The following PLCB1 variants were observed in gnomAD, a reference collection of about 807,000 sequenced individuals.
The protein encoded by PLCB1 is 1-phosphatidylinositol 4,5-bisphosphate phosphodiesterase beta-1.
In PLCB1, 46 loss-of-function variants were observed where a neutral mutation model predicts 161.8. The observed-to-expected ratio is 0.28, with a 90% CI of 0.22 to 0.36. PLCB1 has a LOEUF of 0.36. PLCB1 is among the 10% of genes least tolerant of loss of function. PLCB1 has a pLI of 1.00. For missense variants in PLCB1, 1,016 were observed against 1,472.5 expected (o/e 0.69, Z 5.07); for synonymous variants, 517 against 503.7 (o/e 1.03, Z -0.35).
At chr20:8,760,594 G>T in intron 25 of PLCB1, 134 bp downstream of exon 25, 1 of 595,778 alleles carries the variant, frequency 1.7e-6, no homozygotes, top group East Asian at 2.9e-5. Context: ...AAAATCTAGA[G>T]ACATACACTT....
chr20:8,687,243 T>A (rs1990381079), intron 10 of PLCB1, among the ~76,000 whole-genome samples: 1 of 152,150 alleles, frequency 6.6e-6, no homozygotes. Flanking sequence ...CAGGCTGGAC[T>A]CAGACTCCTG....
chr20:8,536,288 GA>G (rs949712741), intron 3 of PLCB1, among the ~76,000 whole-genome samples: 9 of 152,098 alleles, frequency 5.9e-5, no homozygotes, highest in African/African-American at 1.9e-4. Context: ...AAAAAATTTG[GA>G]AAAAAACCAC....
At chr20:8,298,957 G>T (rs1187702712) in intron 2 of PLCB1, among the ~76,000 whole-genome samples, 1 of 152,030 alleles carries the variant, frequency 6.6e-6, no homozygotes, top group African/African-American at 2.4e-5. Context: ...GTAGGTATTA[G>T]GTTGGTGCAA....
intron 3 of PLCB1, among the ~76,000 whole-genome samples, chr20:8,622,124 C>T (rs67386747): frequency 0.17 from 26,409 of 151,764 alleles, 2,577 homozygotes; most frequent in South Asian, 0.26. Flanking sequence ...GTTGGTGGCG[C>T]GTGCCTGTAG....
At chr20:8,143,065 T>G (rs2051419958) in intron 1 of PLCB1, among the ~76,000 whole-genome samples, 1 of 152,216 alleles carries the variant, frequency 6.6e-6, no homozygotes, top group South Asian at 2.1e-4. Context: ...TCCCCTCAGT[T>G]GAAGCTTTCC....
chr20:8,431,296 G>A (rs1053392383), intron 3 of PLCB1, among the ~76,000 whole-genome samples: 1 of 152,100 alleles, frequency 6.6e-6, no homozygotes, highest in Non-Finnish European at 1.5e-5. Flanking sequence ...TTGGACACAA[G>A]CCTTAATTAT....
At chr20:8,342,533 C>T (rs561546791) in intron 2 of PLCB1, among the ~76,000 whole-genome samples, 1 of 152,288 alleles carries the variant, frequency 6.6e-6, no homozygotes, top group East Asian at 1.9e-4. Context: ...TCAGTTCCAT[C>T]TCCAGGATGA....
At chr20:8,736,398 T>G (rs1303058696) in intron 19 of PLCB1, among the ~76,000 whole-genome samples, 1 of 152,236 alleles carries the variant, frequency 6.6e-6, no homozygotes, top group Non-Finnish European at 1.5e-5. Flanking sequence ...ATGATAAACT[T>G]ATCTTGATGG....
chr20:8,781,653 T>C (rs1357760162), intron 27 of PLCB1, among the ~76,000 whole-genome samples: 4 of 152,194 alleles, frequency 2.6e-5, no homozygotes, highest in Non-Finnish European at 4.4e-5. Flanking sequence ...TAGCCAAGAC[T>C]GGGCAATTTA....
At chr20:8,285,282 ATATATT>A (rs1470436052) in intron 2 of PLCB1, among the ~76,000 whole-genome samples, 1 of 148,992 alleles carries the variant, frequency 6.7e-6, no homozygotes, top group African/African-American at 2.4e-5. Context: ...TTCTAAATAT[ATATATT>A]TATATCTATA....
intron 19 of PLCB1, among the ~76,000 whole-genome samples, chr20:8,733,822 T>TAAA (rs1555786768): frequency 2.2e-5 from 3 of 136,784 alleles, no homozygotes; most frequent in Non-Finnish European, 3.1e-5. Context: ...ATAATAATAA[T>TAAA]AATAAAAGTT....
intron 30 of PLCB1, among the ~76,000 whole-genome samples, chr20:8,789,860 T>A (rs1370786003): frequency 6.6e-6 from 1 of 152,216 alleles, no homozygotes; most frequent in Non-Finnish European, 1.5e-5. Context: ...AACCTTTAAT[T>A]GTCATCAATG....
rs542478108 is a variant in PLCB1, at chr20:8,849,972, C to T, written c.3424-31650C>T. On this transcript the variant is annotated intron_variant, in intron 31 of 31. Transcript: ENST00000338037. ...AGGTTGCAGTGAGCCGAGATCACGC[C>T]ACTGCACTCCAGCCTGGCGACAGAG... Among the ~76,000 whole-genome samples the T allele has an allele frequency of 7.2e-5, 11 of 152,288 alleles. No individual in the cohort carries two copies. The East Asian group carries it at 1.9e-3, about 27-fold the overall frequency.
intron 3 of PLCB1, among the ~76,000 whole-genome samples, chr20:8,391,009 G>A (rs1352600456): frequency 1.3e-5 from 2 of 151,568 alleles, no homozygotes; most frequent in African/African-American, 4.9e-5. Flanking sequence ...TTGTCTAAAT[G>A]CATTTTGCCA....
chr20:8,467,311 T>C (rs1981864916), intron 3 of PLCB1, among the ~76,000 whole-genome samples: 1 of 152,170 alleles, frequency 6.6e-6, no homozygotes, highest in Non-Finnish European at 1.5e-5. Flanking sequence ...GTATTTATGA[T>C]TTTTTTAGCC....
Position 8,697,012 on chromosome 20 carries a change from C to T in PLCB1, c.1010-614C>T, listed in dbSNP as rs560723384. On this transcript the variant is annotated intron_variant, in intron 10 of 31. Transcript: ENST00000338037. ...CCTCCCAAAATGCTGGGATTATAGG[C>T]GTGAGCCACTGTGCCTGGCCTTAAA... 5.3e-5 allele frequency among the ~76,000 whole-genome samples: 8 copies of T among 152,290 alleles called. No homozygotes were observed. In the East Asian group the frequency reaches 5.8e-4, roughly 11 times the overall value.
intron 2 of PLCB1, among the ~76,000 whole-genome samples, chr20:8,340,624 C>G (rs1384819999): frequency 6.6e-6 from 1 of 151,990 alleles, no homozygotes; most frequent in African/African-American, 2.4e-5. Flanking sequence ...CGGGGTTTCA[C>G]TGTGTTAGCC....
At chr20:8,412,224 G>T (rs763900938) in intron 3 of PLCB1, among the ~76,000 whole-genome samples, 1 of 152,128 alleles carries the variant, frequency 6.6e-6, no homozygotes, top group Non-Finnish European at 1.5e-5. Context: ...TTATTTTATT[G>T]TTCAGGTACA....
chr20:8,575,078 C>A (rs924920434), intron 3 of PLCB1, among the ~76,000 whole-genome samples: 2 of 152,150 alleles, frequency 1.3e-5, no homozygotes, highest in Non-Finnish European at 2.9e-5. Flanking sequence ...TTAGTCCAAC[C>A]CATAGATTGG....
Sources: allele counts gnomAD v4.1 joint callset (sites outside exome capture counted in the v4.1 genomes callset), GRCh38; gene constraint gnomAD v4.1.1; transcripts MANE v1.5; gene names NCBI Gene and HGNC (gene_info 2026-07-23, HGNC 2026-07-21).